Variants in ROS1 observed in about 807,000 individuals in gnomAD.
The protein encoded by ROS1 is ROS proto-oncogene 1, receptor tyrosine kinase.
In ROS1, 263 loss-of-function variants were observed where a neutral mutation model predicts 273.5. The ratio of observed to expected loss-of-function variants is 0.96; its 90% CI spans 0.87 to 1.06. The LOEUF is 1.06. Among genes scored for constraint, ROS1 ranks in the 50% least tolerant of loss-of-function variants. The probability of loss-of-function intolerance (pLI) is 0.00; values close to 1 mark genes in which losing one functional copy is unlikely to be tolerated. For synonymous variants in ROS1, 1,008 were observed against 954.1 expected, an observed-to-expected ratio of 1.06 and a Z score of -1.04; for missense variants, 2,833 against 2,751.1, an observed-to-expected ratio of 1.03 and a Z score of -0.67.
chr6:117,311,658 G>A (rs1348294855), intron 39 of ROS1, among the ~76,000 whole-genome samples: 1 of 151,832 alleles, frequency 6.6e-6, no homozygotes, highest in Non-Finnish European at 1.5e-5. Flanking sequence ...CATGATAATG[G>A]GCTTGTTTCT....
At chr6:117,294,471 T>G (rs908840943) in intron 43 of ROS1, among the ~76,000 whole-genome samples, 1 of 152,222 alleles carries the variant, frequency 6.6e-6, no homozygotes, top group Non-Finnish European at 1.5e-5. Flanking sequence ...TCTTACTTGA[T>G]CATAGTATAC....
chr6:117,352,518 T>C (rs1778961100), intron 27 of ROS1, among the ~76,000 whole-genome samples: 1 of 152,184 alleles, frequency 6.6e-6, no homozygotes, highest in Non-Finnish European at 1.5e-5. Flanking sequence ...GGCTTACTCA[T>C]GTTAAATGGT....
chr6:117,299,016 C>G (rs1196383061), intron 43 of ROS1, among the ~76,000 whole-genome samples: 2 of 152,080 alleles, frequency 1.3e-5, no homozygotes, highest in Admixed American at 1.3e-4. Flanking sequence ...TAGAGAGCCC[C>G]CCAAAAGGAT....
At chr6:117,320,850 T>C (rs1487869646) in intron 36 of ROS1, among the ~76,000 whole-genome samples, 1 of 152,170 alleles carries the variant, frequency 6.6e-6, no homozygotes, top group African/African-American at 2.4e-5. Context: ...GAAGGTTTTG[T>C]GGGCAATCAT....
At chr6:117,373,620 T>C (rs890899474) in intron 18 of ROS1, among the ~76,000 whole-genome samples, 2 of 152,178 alleles carry the variant, frequency 1.3e-5, no homozygotes, top group Non-Finnish European at 2.9e-5. Flanking sequence ...GAACTCGTGC[T>C]GGCCTGCGAC....
At chr6:117,333,668 G>A (rs1777259268) in intron 32 of ROS1, among the ~76,000 whole-genome samples, 1 of 152,182 alleles carries the variant, frequency 6.6e-6, no homozygotes, top group Non-Finnish European at 1.5e-5. Context: ...TCCCTGGGAT[G>A]CAAGGCTGAT....
Position 117,387,951 on chromosome 6 carries a change from A to C in ROS1, c.1828T>G (p.Ser610Ala), listed in dbSNP as rs757769588. The C allele has an allele frequency of 6.2e-7, 1 of 1,614,174 alleles. No individual in the cohort carries two copies. The highest frequency in any genetic ancestry group is 1.1e-5 in the South Asian group (1 of 91,080). The part of the protein sequence containing the change: ...WQNWTYEVKV[S>A]TQDPPEVTHI... ...GTGACTTCAGGAGGGTCTTGGGTGG[A>C]TACTTTCACCTCATAGGTCCAGTTC... Residue 610 changes from serine (S) to alanine (A), a missense_variant, in exon 14 of 44, where the codon TCC (serine) becomes GCC (alanine). Coordinates refer to ENST00000368507, the MANE Select transcript of ROS1 (RefSeq NM_001378902.1).
intron 43 of ROS1, among the ~76,000 whole-genome samples, chr6:117,294,648 G>A (rs983775514): frequency 6.6e-6 from 1 of 152,052 alleles, no homozygotes; most frequent in Non-Finnish European, 1.5e-5. Flanking sequence ...AAAATTCAGT[G>A]CATTTCTATA....
In ROS1 at chr6:117,341,596, C is replaced by T. The variant is rs141448347; in HGVS notation, c.4688G>A (p.Arg1563Gln). 6.1e-5 allele frequency: 99 copies of T among 1,613,496 alleles called. No individual in the cohort carries two copies. The highest frequency in any genetic ancestry group is 7.9e-5 in the Non-Finnish European group (93 of 1,179,640). ...EAVQLINTTV[R>Q]SDTSLIISWR... ...AGATATAATGAGGCTGGTGTCTGAC[C>T]GCACAGTTGTATTAATGAGCTGCAC... The change falls in exon 30 of 44, where the codon CGG (arginine) becomes CAG (glutamine). Residue 1563 changes from arginine (R) to glutamine (Q), a missense_variant. Physicochemically the swap from Arg to Gln is conservative, Grantham distance 43. Coordinates refer to ENST00000368507, the MANE Select transcript of ROS1 (RefSeq NM_001378902.1).
chr6:117,397,735 T>C (rs1430894323), intron 7 of ROS1, among the ~76,000 whole-genome samples: 2 of 152,204 alleles, frequency 1.3e-5, no homozygotes, highest in Non-Finnish European at 2.9e-5. Context: ...TAAAGGAGCA[T>C]GTATGAAACA....
At chr6:117,368,216 A>T (rs1456762958) in intron 18 of ROS1, among the ~76,000 whole-genome samples, 1 of 152,146 alleles carries the variant, frequency 6.6e-6, no homozygotes, top group East Asian at 1.9e-4. Context: ...AAGTTGTAAC[A>T]GTTGTTTAGT....
At chr6:117,373,936 A>G (rs1264206486) in intron 18 of ROS1, among the ~76,000 whole-genome samples, 2 of 152,240 alleles carry the variant, frequency 1.3e-5, no homozygotes, top group Admixed American at 6.5e-5. Context: ...AAATGTACCT[A>G]AGAAGATAAA....
At chr6:117,338,124 A>G (rs1777610027) in intron 31 of ROS1, among the ~76,000 whole-genome samples, 1 of 152,280 alleles carries the variant, frequency 6.6e-6, no homozygotes, top group Admixed American at 6.5e-5. Context: ...AGGAAAAGAC[A>G]AAAAGATATG....
chr6:117,313,092 A>G (rs978526909), intron 39 of ROS1, among the ~76,000 whole-genome samples: 1 of 152,150 alleles, frequency 6.6e-6, no homozygotes, highest in Non-Finnish European at 1.5e-5. Flanking sequence ...ACAACCTACC[A>G]TGTAGCAAGT....
At chr6:117,292,010 C>T (rs892492266) in intron 43 of ROS1, among the ~76,000 whole-genome samples, 1 of 151,404 alleles carries the variant, frequency 6.6e-6, no homozygotes, top group Non-Finnish European at 1.5e-5. Flanking sequence ...CACTCTGTCG[C>T]CCAGGCTGGA....
intron 7 of ROS1, 139 bp downstream of exon 7, chr6:117,403,000 G>A: frequency 1.1e-6 from 1 of 870,752 alleles, no homozygotes; most frequent in South Asian, 1.6e-5. Flanking sequence ...AATACTACCT[G>A]GCACATAGTT....
rs1477984030 is a variant in ROS1, at chr6:117,387,997, T to C, written c.1787-5A>G. 2 of 1,614,190 alleles carry C rather than the reference T, an allele frequency of 1.2e-6. No individual in the cohort carries two copies. Among genetic ancestry groups the C allele is most frequent in the Admixed American group, 3.3e-5 (2 of 60,030 alleles). On this transcript the variant is annotated splice_region_variant and splice_polypyrimidine_tract_variant and intron_variant, in intron 13 of 43. Transcript: ENST00000368507. ...AGTTCTGCCAGGCAGAAGGGCCTAA[T>C]TCAAAGAGTTCAATAATATCACTGA...
At position 117,311,012 on chromosome 6, in the gene ROS1, A is replaced by T; in HGVS notation, c.6215+8T>A. The T allele has an allele frequency of 1.3e-6, 2 of 1,572,658 alleles. No homozygotes were observed. Among genetic ancestry groups the T allele is most frequent in the Non-Finnish European group, 1.7e-6 (2 of 1,145,174 alleles). ...CGTAATAACCCTGTATCCAGAAGAG[A>T]ATTGTACCTGTGAATGAAATGCATC... On this transcript the variant is annotated splice_region_variant and intron_variant, in intron 40 of 43. Coordinates refer to ENST00000368507, the MANE Select transcript of ROS1 (RefSeq NM_001378902.1).
chr6:117,328,835 T>C (rs377510355), intron 33 of ROS1: 1 of 613,158 alleles, frequency 1.6e-6, no homozygotes, highest in Non-Finnish European at 3.2e-6. Context: ...TTGCAAACTG[T>C]AATCTTCCCA....
Sources: gnomAD v4.1 joint callset for allele counts (sites outside exome capture counted in the v4.1 genomes callset) on GRCh38, gnomAD v4.1.1 for gene constraint, MANE v1.5 for transcripts, NCBI Gene and HGNC (gene_info 2026-07-23, HGNC 2026-07-21) for gene names.